STOX2: variants seen among roughly 807,000 people sequenced by gnomAD.
STOX2 encodes storkhead-box protein 2.
Under a neutral mutation model 60.9 loss-of-function variants are expected in STOX2, and 28 were observed. That is an observed-to-expected ratio of 0.46 (90% CI 0.34 to 0.63). The LOEUF is 0.63. Among genes scored for constraint, STOX2 ranks in the 30% least tolerant of loss-of-function variants. The probability of loss-of-function intolerance (pLI) is 0.01; values close to 1 mark genes in which losing one functional copy is unlikely to be tolerated. For missense variants in STOX2, 1,024 were observed against 1,187.7 expected, an observed-to-expected ratio of 0.86 and a Z score of 2.03; for synonymous variants, 472 against 463.9, an observed-to-expected ratio of 1.02 and a Z score of -0.22.
At chr4:183,947,674 T>A (rs1742936326) in intron 1 of STOX2, among the ~76,000 whole-genome samples, 1 of 152,216 alleles carries the variant, frequency 6.6e-6, no homozygotes, top group Admixed American at 6.5e-5. Context: ...TTCCAGAGGC[T>A]GTTTCCTCTG....
rs1739714242 is a variant in STOX2, at chr4:183,836,599, G to A, written c.364+38544G>A. ...ACCCCATCACATGGCCCCATACAAT[G>A]GGAAGGGATCTGGGAAGTGCAGTCT... On this transcript the variant is annotated intron_variant, in intron 1 of 2. Transcript: ENST00000513034. This position sits in a 1 kb window ranked among gnomAD's most constrained non-coding sequence, Gnocchi z 4.1. 6.6e-6 allele frequency among the ~76,000 whole-genome samples: 1 copy of A among 152,192 alleles called. No homozygotes were observed. The highest frequency in any genetic ancestry group is 2.1e-4 in the South Asian group (1 of 4,830).
At chr4:183,946,645 T>G (rs1742900448) in intron 1 of STOX2, among the ~76,000 whole-genome samples, 1 of 110,282 alleles carries the variant, frequency 9.1e-6, no homozygotes, top group African/African-American at 3.1e-5. Flanking sequence ...TTTTTTTTTG[T>G]GATGGAGTCT....
At chr4:183,914,184 G>A (rs1741864441) in intron 1 of STOX2, among the ~76,000 whole-genome samples, 2 of 152,160 alleles carry the variant, frequency 1.3e-5, no homozygotes, top group African/African-American at 4.8e-5. Context: ...GGAGAATCTG[G>A]GAGAACAAAG....
chr4:184,010,702 G>A lies in STOX2; in HGVS notation c.1864G>A (p.Glu622Lys). ...TAPSPLGKNKEDHDTLTLAEG... is the reference protein window; with the variant it reads ...TAPSPLGKNKKDHDTLTLAEG... Reference sequence around the variant, plus strand: ...ACCATCACCTCTGGGAAAGAATAAGGAGGACCATGACACTCTGACTTTGGC... The same window carrying A: ...ACCATCACCTCTGGGAAAGAATAAGAAGGACCATGACACTCTGACTTTGGC... The change falls in exon 3 of 4, where the codon GAG (glutamate) becomes AAG (lysine). Residue 622 changes from glutamate to lysine, a missense_variant. Glu to Lys is a moderately conservative substitution (Grantham distance 56). This residue lies in a region of STOX2 where 922 missense variants were observed against 1,058.3 expected (regional missense o/e 0.87). Coordinates refer to ENST00000308497, the MANE Select transcript of STOX2 (RefSeq NM_020225.3). The surrounding 1 kb of genome is among the most constrained non-coding windows in gnomAD (Gnocchi z 4.5). 6.2e-7 allele frequency: 1 copy of A among 1,611,364 alleles called. No individual in the cohort carries two copies. Among genetic ancestry groups the A allele is most frequent in the South Asian group, 1.1e-5 (1 of 90,486 alleles).
intron 1 of STOX2, among the ~76,000 whole-genome samples, chr4:183,922,128 G>A (rs1394791024): frequency 5.3e-5 from 8 of 152,154 alleles, no homozygotes; most frequent in African/African-American, 2.4e-5. Context: ...GGGTTTTAAC[G>A]ATTTACAGCA....
chr4:183,826,137 C>T (rs59159211), intron 1 of STOX2, among the ~76,000 whole-genome samples: 1 of 152,118 alleles, frequency 6.6e-6, no homozygotes, highest in African/African-American at 2.4e-5. Flanking sequence ...ACCTGCATTT[C>T]GTTTTCATTT....
At chr4:184,000,289 G>T (rs1478380342) in intron 1 of STOX2, among the ~76,000 whole-genome samples, 1 of 152,138 alleles carries the variant, frequency 6.6e-6, no homozygotes, top group East Asian at 1.9e-4. Flanking sequence ...AATGAAGACA[G>T]ATATTTGCAT....
intron 1 of STOX2, among the ~76,000 whole-genome samples, chr4:183,862,220 G>T: frequency 6.6e-6 from 1 of 152,216 alleles, no homozygotes; most frequent in Non-Finnish European, 1.5e-5. Context: ...CTGTCACCCA[G>T]GCTGGAGTGC....
At chr4:183,924,936 A>C (rs1742199796) in intron 1 of STOX2, among the ~76,000 whole-genome samples, 1 of 152,124 alleles carries the variant, frequency 6.6e-6, no homozygotes, top group Non-Finnish European at 1.5e-5. Flanking sequence ...CTGAGGCCGG[A>C]TACCGTGAAT....
intron 1 of STOX2, among the ~76,000 whole-genome samples, chr4:183,921,711 A>G (rs1213131229): frequency 1.3e-5 from 2 of 152,270 alleles, no homozygotes; most frequent in African/African-American, 4.8e-5. Flanking sequence ...ATTTAAGAAC[A>G]GTCACAAAGC....
At chr4:183,957,094 G>A (rs937678897) in intron 1 of STOX2, among the ~76,000 whole-genome samples, 3 of 150,268 alleles carry the variant, frequency 2.0e-5, no homozygotes, top group Non-Finnish European at 4.4e-5. Context: ...CATGGCACAT[G>A]TATACATATG....
At chr4:183,889,431 A>G (rs1741157218) in intron 1 of STOX2, among the ~76,000 whole-genome samples, 1 of 152,182 alleles carries the variant, frequency 6.6e-6, no homozygotes, top group Non-Finnish European at 1.5e-5. Context: ...CCCCCAGAGG[A>G]AACAGCCCTG....
intron 1 of STOX2, among the ~76,000 whole-genome samples, chr4:183,911,892 G>A (rs2111088258): frequency 6.6e-6 from 1 of 152,306 alleles, no homozygotes; most frequent in Non-Finnish European, 1.5e-5. Context: ...AAGGTATAAA[G>A]TAGAGGTTCT....
At chr4:183,831,290 C>G (rs1739561859) in intron 1 of STOX2, among the ~76,000 whole-genome samples, 1 of 152,170 alleles carries the variant, frequency 6.6e-6, no homozygotes, top group Non-Finnish European at 1.5e-5. Context: ...AAAATTGTGG[C>G]AGGAAAGAAG....
At chr4:183,824,572 ATAT>A (rs1474670743) in intron 1 of STOX2, among the ~76,000 whole-genome samples, 1 of 152,176 alleles carries the variant, frequency 6.6e-6, no homozygotes, top group Non-Finnish European at 1.5e-5. Context: ...TTAAAAAAAG[ATAT>A]TATTGTGTGA....
intron 1 of STOX2, among the ~76,000 whole-genome samples, chr4:183,833,768 G>A (rs1739630699): frequency 6.8e-6 from 1 of 148,146 alleles, no homozygotes; most frequent in South Asian, 2.1e-4. Flanking sequence ...GGATCACGAG[G>A]TCAGGAGATC....
intron 1 of STOX2, among the ~76,000 whole-genome samples, chr4:183,872,086 C>T (rs948679644): frequency 2.6e-5 from 4 of 151,968 alleles, no homozygotes; most frequent in Non-Finnish European, 4.4e-5. Flanking sequence ...AACAGAGTCT[C>T]ACTCTGTTGC....
intron 1 of STOX2, among the ~76,000 whole-genome samples, chr4:183,866,333 C>T (rs1017066761): frequency 3.9e-5 from 6 of 152,146 alleles, no homozygotes; most frequent in African/African-American, 7.2e-5. Flanking sequence ...CTCTCACTGG[C>T]AGCCTGAAGA....
At chr4:183,891,895 A>G (rs1476495400) in intron 1 of STOX2, among the ~76,000 whole-genome samples, 1 of 152,216 alleles carries the variant, frequency 6.6e-6, no homozygotes, top group East Asian at 1.9e-4. Flanking sequence ...CTGAGCATTA[A>G]TGAATCGCCA....
Sources: allele counts gnomAD v4.1 joint callset (sites outside exome capture counted in the v4.1 genomes callset), GRCh38; gene constraint gnomAD v4.1.1; regional missense constraint gnomAD v4.1.1; non-coding constraint Gnocchi (gnomAD v3.1); transcripts MANE v1.5; gene names NCBI Gene and HGNC (gene_info 2026-07-23, HGNC 2026-07-21).